PRDM5: variants seen among roughly 807,000 people sequenced by gnomAD.
The protein encoded by PRDM5 is PR domain zinc finger protein 5.
In PRDM5, 56 loss-of-function variants were observed where a neutral mutation model predicts 81.2. The observed-to-expected ratio is 0.69, with a 90% CI of 0.56 to 0.86. PRDM5 has a LOEUF of 0.86. Among genes scored for constraint, PRDM5 ranks in the 40% least tolerant of loss-of-function variants. The pLI is 0.00. For missense variants in PRDM5, 697 were observed against 770.1 expected, an observed-to-expected ratio of 0.91 and a Z score of 1.12; for synonymous variants, 267 against 256.4, an observed-to-expected ratio of 1.04 and a Z score of -0.39.
At chr4:120,767,972 G>A (rs1006270194) in intron 13 of PRDM5, among the ~76,000 whole-genome samples, 2 of 152,164 alleles carry the variant, frequency 1.3e-5, no homozygotes, top group African/African-American at 4.8e-5. Flanking sequence ...CCATGATTGT[G>A]AGGCCTCCCC....
At chr4:120,835,441 T>C (rs542838399) in intron 3 of PRDM5, among the ~76,000 whole-genome samples, 1 of 152,210 alleles carries the variant, frequency 6.6e-6, no homozygotes, top group African/African-American at 2.4e-5. Context: ...AGATATGGTT[T>C]GGTTGTGTCC....
intron 1 of PRDM5, among the ~76,000 whole-genome samples, chr4:120,918,294 CATG>C (rs2148716418): frequency 6.6e-6 from 1 of 152,296 alleles, no homozygotes; most frequent in South Asian, 2.1e-4. Context: ...CGGCAGGCTT[CATG>C]ATTACTTTTC....
intron 14 of PRDM5, among the ~76,000 whole-genome samples, chr4:120,737,965 C>T (rs770822347): frequency 6.6e-6 from 1 of 152,132 alleles, no homozygotes; most frequent in Non-Finnish European, 1.5e-5. Flanking sequence ...AGGCACACAG[C>T]TGCTAAGGAA....
At chr4:120,849,338 C>G (rs771061946) in intron 3 of PRDM5, among the ~76,000 whole-genome samples, 3 of 152,126 alleles carry the variant, frequency 2.0e-5, no homozygotes, top group Non-Finnish European at 4.4e-5. Flanking sequence ...ACTATCCATC[C>G]TCAGGCAAGG....
At position 120,692,641 on chromosome 4, in the gene PRDM5, G is replaced by A. The variant is rs761203021; in HGVS notation, c.*2470C>T. ...TCTGAACCCACCTACATTATTGAAC[G>A]TCTCTTAAATTTACTTAGCCAATTT... is the stretch of plus-strand genomic sequence containing the variant. On this transcript the variant is annotated 3_prime_UTR_variant, in exon 16 of 16. Coordinates refer to ENST00000264808, the MANE Select transcript of PRDM5 (RefSeq NM_018699.4). 1 of 152,078 alleles carries A rather than the reference G, an allele frequency of 6.6e-6. No homozygotes were observed. The highest frequency in any genetic ancestry group is 6.6e-5 in the Admixed American group (1 of 15,232). 9.4% of individuals were successfully genotyped at this position (152,078 alleles called of 1,614,324 possible). A position where few individuals can be genotyped will look rare whatever the true frequency, so the allele number is the denominator to read the frequency against.
chr4:120,855,373 T>C (rs1049139926), intron 2 of PRDM5, among the ~76,000 whole-genome samples: 31 of 152,216 alleles, frequency 2.0e-4, no homozygotes, highest in Admixed American at 8.5e-4. Flanking sequence ...AAGATGCTTA[T>C]ATGTGAAGGT....
chr4:120,846,805 C>T (rs927105557), intron 3 of PRDM5, among the ~76,000 whole-genome samples: 1 of 152,132 alleles, frequency 6.6e-6, no homozygotes. Flanking sequence ...GCTATGAAGG[C>T]AAGAGCTAGA....
At chr4:120,904,188 T>A (rs1765510288) in intron 2 of PRDM5, among the ~76,000 whole-genome samples, 1 of 488 alleles carries the variant, frequency 2.0e-3, no homozygotes. Flanking sequence ...AGACTCCTTC[T>A]CAAAAAAAAA....
chr4:120,919,574 A>G (rs1016832615), intron 1 of PRDM5, among the ~76,000 whole-genome samples: 14 of 152,366 alleles, frequency 9.2e-5, no homozygotes, highest in Middle Eastern at 3.4e-3. Flanking sequence ...TAAGCAAGCT[A>G]GGAAAAAAAT....
chr4:120,702,561 A>G (rs1578409418), intron 15 of PRDM5, among the ~76,000 whole-genome samples: 1 of 152,194 alleles, frequency 6.6e-6, no homozygotes, highest in Non-Finnish European at 1.5e-5. Context: ...TGAGGGCAAG[A>G]GTAGCCACTA....
intron 8 of PRDM5, among the ~76,000 whole-genome samples, chr4:120,803,197 T>C (rs1014845685): frequency 6.6e-6 from 1 of 151,954 alleles, no homozygotes; most frequent in Non-Finnish European, 1.5e-5. Flanking sequence ...CCAAGAAATA[T>C]GGGACTACAT....
At chr4:120,771,851 T>G (rs7680823) in intron 13 of PRDM5, among the ~76,000 whole-genome samples, 96,246 of 152,020 alleles carry the variant, frequency 0.63, 30,998 homozygotes, top group East Asian at 0.73. Flanking sequence ...GGAAAAGTAC[T>G]CTTAACAAGG....
chr4:120,751,638 GAAGGAAAT>G (rs1744022639), intron 14 of PRDM5, among the ~76,000 whole-genome samples: 1 of 152,148 alleles, frequency 6.6e-6, no homozygotes, highest in Non-Finnish European at 1.5e-5. Flanking sequence ...AGAATATACT[GAAGGAAAT>G]AAAATCCACC....
intron 14 of PRDM5, among the ~76,000 whole-genome samples, chr4:120,718,755 T>C (rs1738167820): frequency 1.3e-5 from 2 of 152,250 alleles, no homozygotes; most frequent in African/African-American, 4.8e-5. Flanking sequence ...CTAAATTTTA[T>C]AAATTCCTAG....
intron 14 of PRDM5, among the ~76,000 whole-genome samples, chr4:120,737,465 C>T (rs942805628): frequency 6.6e-6 from 1 of 152,180 alleles, no homozygotes; most frequent in Non-Finnish European, 1.5e-5. Context: ...AGGCCTGGTA[C>T]CAGTTATATA....
At chr4:120,898,911 C>G (rs1764943408) in intron 2 of PRDM5, among the ~76,000 whole-genome samples, 1 of 152,150 alleles carries the variant, frequency 6.6e-6, no homozygotes, top group South Asian at 2.1e-4. Flanking sequence ...GCTCCTCTTT[C>G]CATCCCGCTT....
intron 15 of PRDM5, 123 bp downstream of exon 15, chr4:120,710,186 T>C: frequency 1.2e-6 from 1 of 806,126 alleles, no homozygotes. Flanking sequence ...TTAACAGGCA[T>C]AGGCACATTC....
chr4:120,779,368 C>T (rs949004468), intron 12 of PRDM5, among the ~76,000 whole-genome samples: 1 of 152,088 alleles, frequency 6.6e-6, no homozygotes, highest in African/African-American at 2.4e-5. Context: ...TACTGTGTGA[C>T]TATTATTGCA....
At chr4:120,702,359 C>T (rs558747847) in intron 15 of PRDM5, among the ~76,000 whole-genome samples, 1 of 152,294 alleles carries the variant, frequency 6.6e-6, no homozygotes, top group Admixed American at 6.5e-5. Flanking sequence ...TCAGAACTTT[C>T]TCGCTTCTCT....
Sources: gnomAD v4.1 joint callset for allele counts (sites outside exome capture counted in the v4.1 genomes callset) on GRCh38, gnomAD v4.1.1 for gene constraint, MANE v1.5 for transcripts, NCBI Gene and HGNC (gene_info 2026-07-23, HGNC 2026-07-21) for gene names.